DAG1: variants seen among roughly 807,000 people sequenced by gnomAD.
The protein encoded by DAG1 is dystroglycan 1 (dystrophin-associated glycoprotein 1).
In DAG1, 8 loss-of-function variants were observed where a neutral mutation model predicts 46.1. That is an observed-to-expected ratio of 0.17 (90% confidence interval 0.10 to 0.31). DAG1 has a LOEUF of 0.31. Ranked by LOEUF, DAG1 falls within the 10% of genes least tolerant of loss-of-function variation. The pLI is 1.00. For missense variants in DAG1, 1,003 were observed against 1,189.9 expected, an observed-to-expected ratio of 0.84 and a Z score of 2.31; for synonymous variants, 495 against 481.8, an observed-to-expected ratio of 1.03 and a Z score of -0.36.
chr3:49,475,491 AC>A (rs1447837310), intron 1 of DAG1, among the ~76,000 whole-genome samples: 1 of 131,690 alleles, frequency 7.6e-6, no homozygotes, highest in Non-Finnish European at 1.6e-5. Context: ...TGCAACCTCC[AC>A]CTCCTGGGTT....
chr3:49,504,694 C>G (rs533753490), intron 1 of DAG1, among the ~76,000 whole-genome samples: 1 of 143,418 alleles, frequency 7.0e-6, no homozygotes, highest in South Asian at 2.3e-4. Flanking sequence ...TCATGCCATT[C>G]TCCTGCCTCA....
At position 49,480,059 on chromosome 3, in the gene DAG1, C is replaced by T. The variant is rs577146676; in HGVS notation, c.-117+9626C>T. 1.4e-4 allele frequency among the ~76,000 whole-genome samples: 21 copies of T among 149,236 alleles called. No individual in the cohort carries two copies. In the South Asian group the frequency reaches 4.2e-3, roughly 30 times the overall value. On this transcript the variant is annotated intron_variant, in intron 1 of 2. Transcript: ENST00000308775. ...CTGCCTCCCGGGTTCAATCGATTCTCCCGCCTCAGCATCCTGAGTAGCTGG... is the reference window on the plus strand; with the variant it reads ...CTGCCTCCCGGGTTCAATCGATTCTTCCGCCTCAGCATCCTGAGTAGCTGG...
intron 2 of DAG1, among the ~76,000 whole-genome samples, chr3:49,511,373 C>T (rs930511825): frequency 1.3e-5 from 2 of 152,052 alleles, no homozygotes; most frequent in East Asian, 1.9e-4. Context: ...TCTTGGTTGA[C>T]CCAGGATAGA....
At position 49,481,249 on chromosome 3, in the gene DAG1, T is replaced by C. The variant is rs185921872; in HGVS notation, c.-117+10816T>C. On this transcript the variant is annotated intron_variant, in intron 1 of 2. Transcript: ENST00000308775. ...CTAAAAATACAAAAAAAAAAAAAATTAGCCGGGCGTAGTGTTAGGCGCCTG... is the reference window on the plus strand; with the variant it reads ...CTAAAAATACAAAAAAAAAAAAAATCAGCCGGGCGTAGTGTTAGGCGCCTG... Among the ~76,000 whole-genome samples the C allele has an allele frequency of 1.4e-3, 212 of 149,052 alleles. 2 individuals are homozygous for C. In the South Asian group the frequency reaches 0.017, roughly 12 times the overall value.
At chr3:49,496,171 A>G (rs1204593939) in intron 1 of DAG1, among the ~76,000 whole-genome samples, 1 of 152,034 alleles carries the variant, frequency 6.6e-6, no homozygotes, top group Non-Finnish European at 1.5e-5. Context: ...AAATATACAT[A>G]ACATAAAGAT....
chr3:49,506,125 G>A (rs2107595531), intron 1 of DAG1, among the ~76,000 whole-genome samples: 1 of 151,684 alleles, frequency 6.6e-6, no homozygotes, highest in South Asian at 2.1e-4. Flanking sequence ...GATTACAGGT[G>A]CCCGCCACCA....
intron 1 of DAG1, among the ~76,000 whole-genome samples, chr3:49,473,383 C>G (rs534952709): frequency 6.6e-6 from 1 of 151,924 alleles, no homozygotes; most frequent in African/African-American, 2.4e-5. Context: ...GATAGCGCCA[C>G]TGCAGTCCGG....
intron 1 of DAG1, among the ~76,000 whole-genome samples, chr3:49,494,785 C>CCACCA (rs60993697): frequency 0.43 from 65,421 of 150,736 alleles, 15,331 homozygotes; most frequent in East Asian, 0.93. Flanking sequence ...CAGGTGCCTG[C>CCACCA]CACCACGCCC....
At chr3:49,526,499 A>G (rs1290833633) in intron 2 of DAG1, among the ~76,000 whole-genome samples, 2 of 152,136 alleles carry the variant, frequency 1.3e-5, no homozygotes, top group Non-Finnish European at 2.9e-5. Flanking sequence ...ACTGGAGGCC[A>G]GGAGTTTGAG....
At chr3:49,501,170 C>G (rs1040601679) in intron 1 of DAG1, among the ~76,000 whole-genome samples, 1 of 152,178 alleles carries the variant, frequency 6.6e-6, no homozygotes, top group Non-Finnish European at 1.5e-5. Context: ...AACAGACACC[C>G]CATGTCGTCA....
chr3:49,512,705 C>G (rs1247650823), intron 2 of DAG1, among the ~76,000 whole-genome samples: 1 of 151,050 alleles, frequency 6.6e-6, no homozygotes, highest in Non-Finnish European at 1.5e-5. Flanking sequence ...TGATGACTTA[C>G]ACCTGTAATC....
At position 49,531,475 on chromosome 3, in the gene DAG1, A is replaced by G. The variant is rs1406455519; in HGVS notation, c.964A>G (p.Thr322Ala). The G allele has an allele frequency of 6.2e-7, 1 of 1,613,722 alleles. No homozygotes were observed. The highest frequency in any genetic ancestry group is 8.5e-7 in the Non-Finnish European group (1 of 1,179,848). ...RQIHATPTPV[T>A]AIGPPTTAIQ... ...GATCCATGCTACACCCACACCTGTC[A>G]CTGCCATTGGGCCCCCAACCACGGC... The change falls in exon 3 of 3, where the codon ACT becomes GCT. Residue 322 changes from threonine (T) to alanine (A), a missense_variant. Around this residue, in one of 3 missense-constraint regions of DAG1, gnomAD observed 755 missense variants for 854.1 expected, o/e 0.88. Transcript: ENST00000308775. This position sits in a 1 kb window ranked among gnomAD's most constrained non-coding sequence, Gnocchi z 7.0.
intron 1 of DAG1, among the ~76,000 whole-genome samples, chr3:49,501,170 C>T (rs1040601679): frequency 6.6e-6 from 1 of 152,178 alleles, no homozygotes; most frequent in African/African-American, 2.4e-5. Context: ...AACAGACACC[C>T]CATGTCGTCA....
intron 1 of DAG1, among the ~76,000 whole-genome samples, chr3:49,504,966 T>TCG (rs772031262): frequency 1.7e-3 from 161 of 94,522 alleles, no homozygotes; most frequent in African/African-American, 4.1e-3. Flanking sequence ...CATTACAGTC[T>TCG]TCTTCTTTTT....
Position 49,510,506 on chromosome 3 carries a change from C to CTA in DAG1, c.-27_-26dup, listed in dbSNP as rs1175380716. On this transcript the variant is annotated 5_prime_UTR_variant, in exon 2 of 3. Transcript: ENST00000308775. Reference sequence around the variant, plus strand: ...TCACTTGCTTCCTTACTTAGCAAGACTATCGACTTGAGCAAACTTGGACCT... The same window carrying CTA: ...TCACTTGCTTCCTTACTTAGCAAGACTATATCGACTTGAGCAAACTTGGACCT... The CTA allele has an allele frequency of 6.2e-7, 1 of 1,609,786 alleles. No individual in the cohort carries two copies.
At chr3:49,502,117 G>C (rs1233921875) in intron 1 of DAG1, among the ~76,000 whole-genome samples, 1 of 152,212 alleles carries the variant, frequency 6.6e-6, no homozygotes, top group Non-Finnish European at 1.5e-5. Context: ...GCTGCAGTGA[G>C]CTGTGATTAC....
intron 1 of DAG1, among the ~76,000 whole-genome samples, chr3:49,503,487 C>T (rs2050512954): frequency 6.6e-6 from 1 of 152,084 alleles, no homozygotes; most frequent in African/African-American, 2.4e-5. Flanking sequence ...AAAGCTTTTT[C>T]CCAGCCTGTG....
At position 49,531,738 on chromosome 3, in the gene DAG1, C is replaced by G. The variant is rs2051353530; in HGVS notation, c.1227C>G (p.Gly409=). ...TTCGCCCAACGATGACCATTCCTGG[C>G]TATGTGGAGCCTACTGCAGTTGCTA... The part of the protein sequence containing the change: ...GQIRPTMTIP[G]YVEPTAVATP... The change falls in exon 3 of 3, where the codon GGC becomes GGG. Residue 409 remains glycine (G), a synonymous_variant. Transcript: ENST00000308775. This position sits in a 1 kb window ranked among gnomAD's most constrained non-coding sequence, Gnocchi z 7.0. 6.2e-7 allele frequency: 1 copy of G among 1,613,984 alleles called. No homozygotes were observed. The highest frequency in any genetic ancestry group is 1.3e-5 in the African/African-American group (1 of 74,878).
chr3:49,473,797 T>C (rs1005807123), intron 1 of DAG1, among the ~76,000 whole-genome samples: 4 of 151,886 alleles, frequency 2.6e-5, no homozygotes, highest in African/African-American at 9.7e-5. Flanking sequence ...TTGGCCAGCC[T>C]AATCTTGAAC....
Sources: allele counts gnomAD v4.1 joint callset (sites outside exome capture counted in the v4.1 genomes callset), GRCh38; gene constraint gnomAD v4.1.1; regional missense constraint gnomAD v4.1.1; non-coding constraint Gnocchi (gnomAD v3.1); transcripts MANE v1.5; gene names NCBI Gene and HGNC (gene_info 2026-07-23, HGNC 2026-07-21).